The following TOM1L1 variants were observed in gnomAD, a reference collection of about 807,000 sequenced individuals.
TOM1L1 encodes the protein target of myb1 like 1 membrane trafficking protein.
In TOM1L1, 64 loss-of-function variants were observed where a neutral mutation model predicts 63.4. That is an observed-to-expected ratio of 1.01 (90% CI 0.83 to 1.24). TOM1L1 has a LOEUF of 1.24. Ranked by LOEUF, TOM1L1 falls within the 50% of genes most tolerant of loss-of-function variation. TOM1L1 has a pLI of 0.00. For synonymous variants in TOM1L1, 166 were observed against 194.4 expected, an observed-to-expected ratio of 0.85 and a Z score of 1.22; for missense variants, 536 against 567.0, an observed-to-expected ratio of 0.95 and a Z score of 0.55.
At position 54,914,495 on chromosome 17, in the gene TOM1L1, G is replaced by A. The variant is rs549124449; in HGVS notation, c.499-144G>A. ...TAGCATTCTTCACAAAATGCTGGACGGGTTGTGTAGCTGATGATTTACTCT... is the reference window on the plus strand; with the variant it reads ...TAGCATTCTTCACAAAATGCTGGACAGGTTGTGTAGCTGATGATTTACTCT... On this transcript the variant is annotated intron_variant, in intron 5 of 15. Coordinates refer to ENST00000575882, the MANE Select transcript of TOM1L1 (RefSeq NM_005486.3). The A allele has an allele frequency of 2.3e-4, 142 of 617,890 alleles. No individual in the cohort carries two copies. In the South Asian group the frequency reaches 2.5e-3, roughly 11 times the overall value. 38.3% of individuals were successfully genotyped at this position (617,890 alleles called of 1,614,324 possible).
chr17:54,939,484 T>C (rs1418150968), intron 11 of TOM1L1, among the ~76,000 whole-genome samples: 2 of 152,170 alleles, frequency 1.3e-5, no homozygotes, highest in Non-Finnish European at 2.9e-5. Flanking sequence ...GCCCCATCAG[T>C]TACAGGGTAC....
At chr17:54,920,749 A>G (rs1216140634) in intron 7 of TOM1L1, among the ~76,000 whole-genome samples, 3 of 152,256 alleles carry the variant, frequency 2.0e-5, no homozygotes, top group Admixed American at 2.0e-4. Flanking sequence ...TGTCAAGGCC[A>G]GAAAAAAGGA....
At position 54,950,106 on chromosome 17, in the gene TOM1L1, AG is replaced by A; in HGVS notation, c.1351del (p.Ala451LeufsTer44). The stretch of plus-strand genomic sequence containing the variant: ...ACGAGGTAATGGAGTTTGATCCCTT[AG>A]CTCCTGCTGTCACTACAGAGTAAGT... ...YYEVMEFDPL[A>X]PAVTTEAIYE... On this transcript the variant is annotated frameshift_variant, in exon 14 of 16. Coordinates refer to ENST00000575882, the MANE Select transcript of TOM1L1 (RefSeq NM_005486.3). LOFTEE classifies it high-confidence loss of function. 1 of 1,613,468 alleles carries A rather than the reference AG, an allele frequency of 6.2e-7. No individual in the cohort carries two copies. The highest frequency in any genetic ancestry group is 8.5e-7 in the Non-Finnish European group (1 of 1,179,486).
chr17:54,913,720 T>C lies in TOM1L1; in HGVS notation c.373-28T>C, dbSNP rs2048535811. ...TTTGGTTTTGTTGCTGTTTTAACTC[T>C]GGAACTTTTTTCATCTCTTGAATTC... On this transcript the variant is annotated intron_variant, in intron 4 of 15. Transcript: ENST00000575882. 1.9e-6 allele frequency: 3 copies of C among 1,579,772 alleles called. No homozygotes were observed. In the South Asian group the frequency reaches 3.4e-5, roughly 18 times the overall value.
At chr17:54,955,334 CAAGT>C (rs2049444425) in intron 14 of TOM1L1, among the ~76,000 whole-genome samples, 1 of 152,152 alleles carries the variant, frequency 6.6e-6, no homozygotes, top group African/African-American at 2.4e-5. Context: ...GTAAATCAAT[CAAGT>C]GAGTGAGGTG....
intron 7 of TOM1L1, among the ~76,000 whole-genome samples, chr17:54,926,344 G>C (rs1308660321): frequency 6.6e-6 from 1 of 152,174 alleles, no homozygotes; most frequent in Non-Finnish European, 1.5e-5. Flanking sequence ...GGAATGAAGA[G>C]TTGCAACATG....
chr17:54,930,953 T>C (rs1177157384), intron 8 of TOM1L1, among the ~76,000 whole-genome samples: 2 of 152,104 alleles, frequency 1.3e-5, no homozygotes, highest in Non-Finnish European at 2.9e-5. Context: ...GGTGGGAGGA[T>C]AGCTTGAGAC....
chr17:54,909,915 C>T (rs140907278), intron 3 of TOM1L1, among the ~76,000 whole-genome samples: 12 of 152,250 alleles, frequency 7.9e-5, no homozygotes, highest in African/African-American at 2.6e-4. Context: ...CAATTTGCCA[C>T]GTAGGTTTTA....
At chr17:54,934,713 A>ATT (rs60173487) in intron 8 of TOM1L1, among the ~76,000 whole-genome samples, 2 of 147,416 alleles carry the variant, frequency 1.4e-5, no homozygotes, top group Non-Finnish European at 1.5e-5. Context: ...AACTAGATGG[A>ATT]TTTTTTTTTT....
chr17:54,917,179 T>A (rs2048604768), intron 7 of TOM1L1: 1 of 152,220 alleles, frequency 6.6e-6, no homozygotes, highest in Admixed American at 6.5e-5. Context: ...TTTTGCCTTA[T>A]CAACTTATGT....
intron 12 of TOM1L1, among the ~76,000 whole-genome samples, chr17:54,949,107 ATAAC>A (rs1217195416): frequency 1.3e-5 from 2 of 152,126 alleles, no homozygotes; most frequent in Non-Finnish European, 2.9e-5. Context: ...TCATATGATC[ATAAC>A]TCACTGCAGC....
chr17:54,928,579 A>G lies in TOM1L1; in HGVS notation c.721-1494A>G, dbSNP rs537617921. On this transcript the variant is annotated intron_variant, in intron 7 of 15. Transcript: ENST00000575882. ...AGAACATGGCCACACCCAGTTATTT[A>G]TATATTTTCCAGGGTTGCTTTTACA... 5.3e-5 allele frequency among the ~76,000 whole-genome samples: 8 copies of G among 152,278 alleles called. No individual in the cohort carries two copies. The South Asian group carries it at 1.2e-3, about 24-fold the overall frequency.
At chr17:54,946,072 A>G (rs1050167917) in intron 11 of TOM1L1, among the ~76,000 whole-genome samples, 1 of 152,216 alleles carries the variant, frequency 6.6e-6, no homozygotes, top group Non-Finnish European at 1.5e-5. Flanking sequence ...GCCTTCTTCT[A>G]TGGGCGGTGG....
At chr17:54,927,707 TG>T (rs2048791137) in intron 7 of TOM1L1, among the ~76,000 whole-genome samples, 1 of 152,222 alleles carries the variant, frequency 6.6e-6, no homozygotes, top group Admixed American at 6.5e-5. Flanking sequence ...GTGCCTGCTA[TG>T]GGGAACTCTG....
At chr17:54,913,959 C>T in intron 5 of TOM1L1, 86 bp downstream of exon 5, 1 of 1,421,736 alleles carries the variant, frequency 7.0e-7, no homozygotes, top group Non-Finnish European at 9.4e-7. Context: ...CCTAAATCCA[C>T]CCAGCTTAAG....
intron 8 of TOM1L1, chr17:54,930,522 T>C: frequency 4.1e-6 from 1 of 244,784 alleles, no homozygotes; most frequent in Non-Finnish European, 7.9e-6. Flanking sequence ...CCTGACAACA[T>C]AGTAAGACCC....
At chr17:54,943,439 A>AGGG in intron 11 of TOM1L1, among the ~76,000 whole-genome samples, 1 of 78,920 alleles carries the variant, frequency 1.3e-5, no homozygotes, top group South Asian at 4.0e-4. Context: ...TCTTTGTATA[A>AGGG]TGGTGTGTGT....
At chr17:54,932,500 T>G (rs1326540335) in intron 8 of TOM1L1, among the ~76,000 whole-genome samples, 3 of 152,140 alleles carry the variant, frequency 2.0e-5, no homozygotes, top group Non-Finnish European at 4.4e-5. Context: ...AGGCAGAAAT[T>G]GGGCATAAGA....
chr17:54,936,884 T>C (rs539077726), intron 9 of TOM1L1, among the ~76,000 whole-genome samples, 175 bp downstream of exon 9: 32 of 152,312 alleles, frequency 2.1e-4, no homozygotes, highest in Middle Eastern at 3.4e-3. Flanking sequence ...AACGTTAATG[T>C]TAAACTGTTA....
Sources: gnomAD v4.1 joint callset for allele counts (sites outside exome capture counted in the v4.1 genomes callset) on GRCh38, gnomAD v4.1.1 for gene constraint, MANE v1.5 for transcripts, NCBI Gene and HGNC (gene_info 2026-07-23, HGNC 2026-07-21) for gene names.